Variants in PLXNA2 observed in about 807,000 individuals in gnomAD.
The protein encoded by PLXNA2 is plexin A2.
Under a neutral mutation model 193.5 loss-of-function variants are expected in PLXNA2, and 91 were observed. The observed-to-expected ratio is 0.47, with a 90% CI of 0.40 to 0.56. PLXNA2 has a LOEUF of 0.56. PLXNA2 is among the 20% of genes least tolerant of loss of function. The pLI is 0.00. For missense variants in PLXNA2, 1,995 were observed against 2,503.2 expected, an observed-to-expected ratio of 0.80 and a Z score of 4.33; for synonymous variants, 997 against 1,027.3, an observed-to-expected ratio of 0.97 and a Z score of 0.56.
chr1:208,111,998 G>C (rs769613011), intron 4 of PLXNA2, among the ~76,000 whole-genome samples: 10 of 152,226 alleles, frequency 6.6e-5, no homozygotes, highest in Non-Finnish European at 1.2e-4. Context: ...ACTATCTGGA[G>C]ACCTGAGGGC....
At chr1:208,116,338 T>A (rs1289905544) in intron 4 of PLXNA2, among the ~76,000 whole-genome samples, 1 of 152,264 alleles carries the variant, frequency 6.6e-6, no homozygotes, top group Non-Finnish European at 1.5e-5. Flanking sequence ...TTTCTTCTTA[T>A]GAGACATCTC....
At chr1:208,181,777 A>T (rs1669850362) in intron 3 of PLXNA2, among the ~76,000 whole-genome samples, 1 of 152,192 alleles carries the variant, frequency 6.6e-6, no homozygotes, top group Non-Finnish European at 1.5e-5. Flanking sequence ...CAGGGATGGG[A>T]AGTGGCGGAA....
chr1:208,184,471 G>T (rs1669937636), intron 3 of PLXNA2, among the ~76,000 whole-genome samples: 2 of 151,738 alleles, frequency 1.3e-5, no homozygotes, highest in South Asian at 2.1e-4. Flanking sequence ...CCTAGATAAT[G>T]TGGGTGTGGT....
At chr1:208,118,859 C>A (rs1042027325) in intron 4 of PLXNA2, among the ~76,000 whole-genome samples, 1 of 151,874 alleles carries the variant, frequency 6.6e-6, no homozygotes, top group African/African-American at 2.4e-5. Context: ...GGAAAAAAAG[C>A]GGAATTTTAA....
chr1:208,155,976 A>C (rs1668928859), intron 3 of PLXNA2, among the ~76,000 whole-genome samples: 3 of 152,220 alleles, frequency 2.0e-5, no homozygotes, highest in Admixed American at 2.0e-4. Flanking sequence ...CATGAAGCGC[A>C]GTGAAGGAGT....
intron 4 of PLXNA2, among the ~76,000 whole-genome samples, chr1:208,104,481 T>C (rs1667198306): frequency 6.6e-6 from 1 of 152,020 alleles, no homozygotes; most frequent in African/African-American, 2.4e-5. Flanking sequence ...TTTTGTTGTG[T>C]GGGATTGCTG....
In PLXNA2 at chr1:208,028,228, C is replaced by T. The variant is rs114702615; in HGVS notation, c.5439-69G>A. On this transcript the variant is annotated intron_variant, in intron 30 of 31. Transcript: ENST00000367033. This position sits in a 1 kb window ranked among gnomAD's most constrained non-coding sequence, Gnocchi z 4.2. ...CATTTACCTATAGCTACCCCGGGCC[C>T]AGGTCCTTCGAGGGCACTGATGTAC... The T allele has an allele frequency of 1.1e-3, 1,634 of 1,476,704 alleles. 21 individuals carry two copies. In the African/African-American group the frequency reaches 0.019, roughly 17 times the overall value. The allele number at this position is 1,476,704 out of a possible 1,614,324, so 91.5% of individuals were successfully genotyped here. A position where few individuals can be genotyped will look rare whatever the true frequency, so the allele number is the denominator to read the frequency against.
intron 14 of PLXNA2, among the ~76,000 whole-genome samples, chr1:208,053,613 G>C (rs1187594106): frequency 6.6e-6 from 1 of 152,186 alleles, no homozygotes; most frequent in African/African-American, 2.4e-5. Flanking sequence ...TCTCAGCAAG[G>C]CTGGTTTGAC....
chr1:208,077,279 T>C (rs1182951611), intron 12 of PLXNA2, among the ~76,000 whole-genome samples: 7 of 152,166 alleles, frequency 4.6e-5, no homozygotes, highest in Admixed American at 4.6e-4. Context: ...TGATGCCTGC[T>C]GATATGTTCA....
intron 3 of PLXNA2, 75 bp downstream of exon 3, chr1:208,210,205 A>G: frequency 2.0e-6 from 3 of 1,507,966 alleles, no homozygotes; most frequent in South Asian, 1.1e-5. Context: ...ATCTCCACCA[A>G]TAGCTACCTT....
chr1:208,121,067 A>G (rs1667793808), intron 4 of PLXNA2, among the ~76,000 whole-genome samples: 1 of 152,186 alleles, frequency 6.6e-6, no homozygotes, highest in Non-Finnish European at 1.5e-5. Flanking sequence ...TAATAACCGA[A>G]AAAGTAAAAC....
At position 208,028,999 on chromosome 1, in the gene PLXNA2, A is replaced by G; in HGVS notation, c.5269T>C (p.Phe1757Leu). The change falls in exon 30 of 32, where the codon TTC (phenylalanine) becomes CTC (leucine). Residue 1757 changes from phenylalanine to leucine, a missense_variant. Phe to Leu is a conservative substitution (Grantham distance 22). Around this residue, in one of 3 missense-constraint regions of PLXNA2, gnomAD observed 1,291 missense variants for 1,673.6 expected, o/e 0.77. Transcript: ENST00000367033. The surrounding 1 kb of genome is among the most constrained non-coding windows in gnomAD (Gnocchi z 4.2). The part of the protein sequence containing the change: ...FWVNVIKNPQ[F>L]VFDIHKGSIT... The stretch of plus-strand genomic sequence containing the variant: ...CTGCCCTTGTGGATGTCAAACACGA[A>G]CTGGGGGTTCTTAATCACGTTCACC... The G allele has an allele frequency of 1.2e-6, 2 of 1,614,008 alleles. No homozygotes were observed. Among genetic ancestry groups the G allele is most frequent in the Non-Finnish European group, 1.7e-6 (2 of 1,179,988 alleles).
chr1:208,110,035 T>C lies in PLXNA2; in HGVS notation c.1507-6788A>G, dbSNP rs532355624. On this transcript the variant is annotated intron_variant, in intron 4 of 31. Coordinates refer to ENST00000367033, the MANE Select transcript of PLXNA2 (RefSeq NM_025179.4). ...GTTGATTTTCTGTAGATTTTCTGCC[T>C]GGCAGCCTAGTGTACTATGCTTCCC... is the stretch of plus-strand genomic sequence containing the variant. Among the ~76,000 whole-genome samples, 25 of 152,354 alleles carry C rather than the reference T, an allele frequency of 1.6e-4. 1 individual carries two copies. In the South Asian group the frequency reaches 5.2e-3, roughly 32 times the overall value.
intron 4 of PLXNA2, among the ~76,000 whole-genome samples, chr1:208,121,904 C>A (rs530928581): frequency 2.2e-4 from 34 of 152,226 alleles, no homozygotes; most frequent in Admixed American, 5.9e-4. Context: ...TTCACACATG[C>A]TCACATCACA....
In PLXNA2 at chr1:208,217,395, C is replaced by T. The variant is rs1469503072; in HGVS notation, c.528G>A (p.Glu176=). 6.2e-7 allele frequency: 1 copy of T among 1,614,084 alleles called. No homozygotes were observed. The highest frequency in any genetic ancestry group is 8.5e-7 in the Non-Finnish European group (1 of 1,180,050). The change falls in exon 2 of 32, where the codon GAG becomes GAA. Residue 176 remains glutamate (E), a synonymous_variant. Coordinates refer to ENST00000367033, the MANE Select transcript of PLXNA2 (RefSeq NM_025179.4). The surrounding 1 kb of genome is among the most constrained non-coding windows in gnomAD (Gnocchi z 4.7). ...CGATGAAGAGCTTGCCATCCTCACC[C>T]TCAGAGCGCACAATCACCCCGTACA... ...GTMYGVIVRS[E]GEDGKLFIGT... is the part of the protein sequence containing the mutation.
chr1:208,057,461 G>A (rs1665468293), intron 13 of PLXNA2, among the ~76,000 whole-genome samples: 1 of 152,208 alleles, frequency 6.6e-6, no homozygotes, highest in Non-Finnish European at 1.5e-5. Flanking sequence ...GGCAGGGGTG[G>A]TGAGAAAGGC....
chr1:208,208,429 C>A (rs1273226734), intron 3 of PLXNA2, among the ~76,000 whole-genome samples: 1 of 152,206 alleles, frequency 6.6e-6, no homozygotes. Context: ...GTTTCCCTGT[C>A]AAATAATGAG....
chr1:208,042,492 C>G (rs1571853728), intron 21 of PLXNA2, 126 bp from the exon 22 acceptor site: 1 of 900,334 alleles, frequency 1.1e-6, no homozygotes, highest in East Asian at 2.6e-5. Flanking sequence ...AGGCCTATAA[C>G]CAACCCCACC....
chr1:208,058,624 T>C (rs1296686459), intron 13 of PLXNA2, among the ~76,000 whole-genome samples: 1 of 151,868 alleles, frequency 6.6e-6, no homozygotes, highest in African/African-American at 2.4e-5. Flanking sequence ...AGGCATGGGG[T>C]GTGCTCTCTG....
Sources: allele counts gnomAD v4.1 joint callset (sites outside exome capture counted in the v4.1 genomes callset), GRCh38; gene constraint gnomAD v4.1.1; regional missense constraint gnomAD v4.1.1; non-coding constraint Gnocchi (gnomAD v3.1); transcripts MANE v1.5; gene names NCBI Gene and HGNC (gene_info 2026-07-23, HGNC 2026-07-21).